The following ABCA1 variants were observed in gnomAD, a reference collection of about 807,000 sequenced individuals.
ABCA1 encodes the protein ATP binding cassette subfamily A member 1, also known as phospholipid-transporting ATPase ABCA1.
A neutral mutation model predicts 262.5 loss-of-function variants in ABCA1; 133 were observed. That is an observed-to-expected ratio of 0.51 (90% CI 0.44 to 0.59). The LOEUF is 0.59. ABCA1 is among the 20% of genes least tolerant of loss of function. ABCA1 has a pLI of 0.00. For missense variants in ABCA1, 2,452 were observed against 2,777.5 expected (o/e 0.88, Z 2.63); for synonymous variants, 1,022 against 1,043.5 (o/e 0.98, Z 0.40).
chr9:104,800,014 G>C, intron 35 of ABCA1, 26 bp from the exon 36 acceptor site: 1 of 1,613,816 alleles, frequency 6.2e-7, no homozygotes, highest in Non-Finnish European at 8.5e-7. Flanking sequence ...CCAGGTACAA[G>C]GTAATGCCCC....
chr9:104,925,344 C>G (rs1826231028), intron 1 of ABCA1, among the ~76,000 whole-genome samples: 1 of 143,616 alleles, frequency 7.0e-6, no homozygotes, highest in Non-Finnish European at 1.5e-5. Flanking sequence ...CCACTGCACT[C>G]CAGCCTGGGA....
chr9:104,900,237 C>T (rs1025859574), intron 2 of ABCA1, among the ~76,000 whole-genome samples: 4 of 152,190 alleles, frequency 2.6e-5, no homozygotes, highest in African/African-American at 9.7e-5. Flanking sequence ...TTTATGTATG[C>T]TTTCTATTCT....
intron 1 of ABCA1, among the ~76,000 whole-genome samples, chr9:104,922,775 G>A (rs930907381): frequency 1.3e-5 from 2 of 152,080 alleles, no homozygotes; most frequent in Admixed American, 1.3e-4. Context: ...AAAGTGGCAC[G>A]ATCTCGACTC....
At chr9:104,841,377 T>C (rs1588372915) in intron 8 of ABCA1, among the ~76,000 whole-genome samples, 1 of 150,304 alleles carries the variant, frequency 6.7e-6, no homozygotes, top group South Asian at 2.1e-4. Context: ...GAGGCAGAGG[T>C]TGCAGTGAGC....
rs1478522909 is a variant in ABCA1, at chr9:104,822,574, T to C, written c.2750A>G (p.Asp917Gly). The stretch of plus-strand genomic sequence containing the variant: ...CTCATAAAAATTCAGTGCCAGGCCA[T>C]CGACAGCCACCTTCATCCCATCTCG... Reference protein sequence around the residue: ...VYRDGMKVAVDGLALNFYEGQ... With the variant: ...VYRDGMKVAVGGLALNFYEGQ... Residue 917 changes from aspartate to glycine, a missense_variant, in exon 19 of 50, where the codon GAT (aspartate) becomes GGT (glycine). By Grantham distance (94) the Asp-to-Gly change is moderately conservative. Coordinates refer to ENST00000374736, the MANE Select transcript of ABCA1 (RefSeq NM_005502.4). 6.2e-7 allele frequency: 1 copy of C among 1,614,072 alleles called. No homozygotes were observed. The highest frequency in any genetic ancestry group is 1.7e-5 in the Admixed American group (1 of 60,010).
chr9:104,843,669 T>C (rs79773168), intron 8 of ABCA1, among the ~76,000 whole-genome samples: 2 of 152,216 alleles, frequency 1.3e-5, no homozygotes, highest in South Asian at 2.1e-4. Flanking sequence ...TGGGTGACAC[T>C]GTCTGAACCT....
intron 8 of ABCA1, among the ~76,000 whole-genome samples, chr9:104,841,089 C>A (rs1011908890): frequency 1.3e-5 from 2 of 152,132 alleles, no homozygotes; most frequent in African/African-American, 4.8e-5. Context: ...ATGTGAAGTT[C>A]CCTATCTTGG....
Position 104,889,125 on chromosome 9 carries a change from T to C in ABCA1, c.137A>G (p.Tyr46Cys), listed in dbSNP as rs774092046. 7 of 1,614,132 alleles carry C rather than the reference T, an allele frequency of 4.3e-6. No homozygotes were observed. Among genetic ancestry groups the C allele is most frequent in the Non-Finnish European group, 5.9e-6 (7 of 1,179,986 alleles). Residue 46 changes from tyrosine to cysteine, a missense_variant, in exon 3 of 50, where the codon TAC (tyrosine) becomes TGC (cysteine). Tyr to Cys is a radical substitution (Grantham distance 194). Coordinates refer to ENST00000374736, the MANE Select transcript of ABCA1 (RefSeq NM_005502.4). ...FLILISVRLS[Y>C]PPYEQHECHF... ...ACATTCATGTTGTTCATAGGGTGGG[T>C]AGCTCAGCCGAACAGAGATCAGGAT...
chr9:104,851,942 G>A (rs1183755116), intron 7 of ABCA1, among the ~76,000 whole-genome samples: 1 of 152,208 alleles, frequency 6.6e-6, no homozygotes, highest in Non-Finnish European at 1.5e-5. Flanking sequence ...AAATGCAACT[G>A]AAAATATTTT....
chr9:104,897,012 G>A (rs778323196), intron 2 of ABCA1, among the ~76,000 whole-genome samples: 1 of 151,840 alleles, frequency 6.6e-6, no homozygotes, highest in Non-Finnish European at 1.5e-5. Context: ...ATACAGGCAT[G>A]AGCCACCATA....
intron 5 of ABCA1, among the ~76,000 whole-genome samples, chr9:104,882,030 A>AAAAAAAAAAAAAAAAAAAAC (rs1838706588): frequency 2.8e-5 from 1 of 36,292 alleles, no homozygotes; most frequent in East Asian, 8.1e-4. Flanking sequence ...TGTAGCCTTA[A>AAAAAAAAAAAAAAAAAAAAC]AAAAAAAAAA....
intron 30 of ABCA1, among the ~76,000 whole-genome samples, chr9:104,809,184 T>C (rs780683882): frequency 1.3e-5 from 2 of 152,214 alleles, no homozygotes; most frequent in Non-Finnish European, 2.9e-5. Flanking sequence ...ATTTCATCAG[T>C]AAGTGTAAAG....
intron 44 of ABCA1, 85 bp downstream of exon 44, chr9:104,790,837 C>G: frequency 1.0e-6 from 1 of 957,308 alleles, no homozygotes; most frequent in Non-Finnish European, 1.7e-6. Flanking sequence ...AAAAATACCA[C>G]TGTAATCAAA....
chr9:104,914,247 G>A (rs191221941), intron 1 of ABCA1, among the ~76,000 whole-genome samples: 3 of 151,630 alleles, frequency 2.0e-5, no homozygotes, highest in African/African-American at 7.2e-5. Context: ...GGAGGCTGAG[G>A]CAGGTGATCA....
intron 10 of ABCA1, 79 bp downstream of exon 10, chr9:104,837,349 C>T (rs2119024261): frequency 6.3e-7 from 1 of 1,588,640 alleles, no homozygotes; most frequent in Admixed American, 1.7e-5. Flanking sequence ...TAGCGCACAC[C>T]TCTGAAGCTA....
At chr9:104,832,015 G>C (rs1325262559) in intron 12 of ABCA1, among the ~76,000 whole-genome samples, 188 bp from the exon 13 acceptor site, 1 of 152,156 alleles carries the variant, frequency 6.6e-6, no homozygotes, top group East Asian at 1.9e-4. Context: ...TGCAATTTAA[G>C]AGAAATTCTA....
intron 14 of ABCA1, among the ~76,000 whole-genome samples, chr9:104,829,929 C>A (rs1167760061): frequency 4.0e-5 from 6 of 148,206 alleles, no homozygotes; most frequent in African/African-American, 1.5e-4. Flanking sequence ...CAGCTCCTCC[C>A]GCATCCTGAT....
chr9:104,807,885 T>A (rs2472465), intron 30 of ABCA1, among the ~76,000 whole-genome samples: 8,158 of 143,434 alleles, frequency 0.057, 397 homozygotes, highest in East Asian at 0.15. Flanking sequence ...CATATATATA[T>A]TATAAATATA....
At chr9:104,868,287 G>C (rs1446063507) in intron 5 of ABCA1, among the ~76,000 whole-genome samples, 1 of 152,178 alleles carries the variant, frequency 6.6e-6, no homozygotes, top group African/African-American at 2.4e-5. Flanking sequence ...TGGAGGCAGA[G>C]GTTGCAGTGA....
Sources: allele counts gnomAD v4.1 joint callset (sites outside exome capture counted in the v4.1 genomes callset), GRCh38; gene constraint gnomAD v4.1.1; transcripts MANE v1.5; gene names NCBI Gene and HGNC (gene_info 2026-07-23, HGNC 2026-07-21).